Variants in CCN4 observed in about 807,000 individuals in gnomAD.
CCN4 encodes the protein cellular communication network factor 4.
Under a neutral mutation model 36.7 loss-of-function variants are expected in CCN4, and 30 were observed. The observed-to-expected ratio is 0.82, with a 90% CI of 0.61 to 1.11. The LOEUF (loss-of-function observed/expected upper bound fraction) is 1.11, where lower values mean the gene tolerates loss of function less well. Among genes scored for constraint, CCN4 ranks in the 50% least tolerant of loss-of-function variants. CCN4 has a pLI of 0.00. For missense variants in CCN4, 505 were observed against 504.9 expected (o/e 1.00, Z 0.00); for synonymous variants, 191 against 195.4 (o/e 0.98, Z 0.19).
chr8:133,218,538 C>G (rs543008783), intron 2 of CCN4, among the ~76,000 whole-genome samples: 9 of 152,308 alleles, frequency 5.9e-5, no homozygotes, highest in African/African-American at 2.2e-4. Context: ...ACAGAGGAGA[C>G]CCAGTATCCA....
intron 3 of CCN4, among the ~76,000 whole-genome samples, chr8:133,224,782 A>G (rs999534703): frequency 5.9e-5 from 9 of 151,976 alleles, no homozygotes; most frequent in Non-Finnish European, 1.0e-4. Flanking sequence ...TAAAAATACA[A>G]AATTAGCCGG....
At chr8:133,205,580 C>T (rs1215861025) in intron 1 of CCN4, among the ~76,000 whole-genome samples, 1 of 152,252 alleles carries the variant, frequency 6.6e-6, no homozygotes, top group East Asian at 1.9e-4. Flanking sequence ...AAGAAGATAG[C>T]CGTCAGGGCT....
intron 1 of CCN4, among the ~76,000 whole-genome samples, chr8:133,200,596 G>T (rs945617581): frequency 6.6e-6 from 1 of 152,208 alleles, no homozygotes; most frequent in Admixed American, 6.5e-5. Flanking sequence ...GTGCCTTAGA[G>T]GTAGCTGGAG....
At chr8:133,191,473 C>G (rs748340041) in intron 1 of CCN4, among the ~76,000 whole-genome samples, 4 of 152,170 alleles carry the variant, frequency 2.6e-5, no homozygotes, top group Non-Finnish European at 5.9e-5. Context: ...CCACCTGAAA[C>G]AGTGCAGAAA....
In CCN4 at chr8:133,191,140, C is replaced by G; in HGVS notation, c.-5C>G. ...GGTCGATGCCTGTGCCACTGACGTC[C>G]AGGCATGAGGTGGTTCCTGCCCTGG... On this transcript the variant is annotated 5_prime_UTR_variant, in exon 1 of 5. Transcript: ENST00000250160. 6.2e-7 allele frequency: 1 copy of G among 1,606,404 alleles called. No individual in the cohort carries two copies. Among genetic ancestry groups the G allele is most frequent in the African/African-American group, 1.3e-5 (1 of 75,008 alleles).
intron 2 of CCN4, among the ~76,000 whole-genome samples, chr8:133,214,779 T>A (rs1263323713): frequency 6.6e-6 from 1 of 152,122 alleles, no homozygotes; most frequent in Non-Finnish European, 1.5e-5. Context: ...ACTCCCTTCT[T>A]CCCTTAGTGC....
chr8:133,191,867 G>T (rs946429475), intron 1 of CCN4, among the ~76,000 whole-genome samples: 1 of 152,160 alleles, frequency 6.6e-6, no homozygotes, highest in Non-Finnish European at 1.5e-5. Flanking sequence ...GTTCCAGGGT[G>T]GGGGTGATGT....
At position 133,229,476 on chromosome 8, in the gene CCN4, T is replaced by C. The variant is rs1854874783; in HGVS notation, c.*1766T>C. 1 of 152,228 alleles carries C rather than the reference T, an allele frequency of 6.6e-6. No homozygotes were observed. The highest frequency in any genetic ancestry group is 2.4e-5 in the African/African-American group (1 of 41,460). The allele number at this position is 152,228 out of a possible 1,614,324, so 9.4% of individuals were successfully genotyped here. ...CCTGTAGCTTATTCCCTCTTTCCCA[T>C]CGGAACCAGCTCTCATCACACATTT... On this transcript the variant is annotated 3_prime_UTR_variant, in exon 5 of 5. Transcript: ENST00000250160.
In CCN4 at chr8:133,213,219, A is replaced by AC. The variant is rs1291873753; in HGVS notation, c.349+81dup. 6.0e-6 allele frequency: 9 copies of AC among 1,512,228 alleles called. No individual in the cohort carries two copies. The Admixed American group carries it at 1.3e-4, about 21-fold the overall frequency. The allele number at this position is 1,512,228 out of a possible 1,614,324, so 93.7% of individuals were successfully genotyped here. On this transcript the variant is annotated intron_variant, in intron 2 of 4. Coordinates refer to ENST00000250160, the MANE Select transcript of CCN4 (RefSeq NM_003882.4). ...TGGCCCCAAACCCCTCTCCCTTGGCACCCCCACAGCCTTTCACCTGGCCAG... is the reference window on the plus strand; with the variant it reads ...TGGCCCCAAACCCCTCTCCCTTGGCACCCCCCACAGCCTTTCACCTGGCCAG...
At chr8:133,210,843 G>A (rs944163371) in intron 1 of CCN4, among the ~76,000 whole-genome samples, 3 of 152,348 alleles carry the variant, frequency 2.0e-5, no homozygotes, top group Non-Finnish European at 4.4e-5. Flanking sequence ...AGGTCAGCGA[G>A]TCAGGAGAGT....
At chr8:133,224,599 A>G (rs981975023) in intron 3 of CCN4, among the ~76,000 whole-genome samples, 14 of 152,084 alleles carry the variant, frequency 9.2e-5, no homozygotes, top group African/African-American at 3.1e-4. Flanking sequence ...ACTTCCCCCA[A>G]ATAAACTTTC....
At chr8:133,199,042 C>A (rs1343137142) in intron 1 of CCN4, among the ~76,000 whole-genome samples, 1 of 152,212 alleles carries the variant, frequency 6.6e-6, no homozygotes, top group Non-Finnish European at 1.5e-5. Flanking sequence ...ATGGGGGAGG[C>A]TGGGAGGGAA....
At chr8:133,217,529 AAGGGACCATCTGC>A (rs1854362549) in intron 2 of CCN4, among the ~76,000 whole-genome samples, 1 of 152,176 alleles carries the variant, frequency 6.6e-6, no homozygotes, top group Non-Finnish European at 1.5e-5. Context: ...GAGTCAGCTG[AAGGGACCATCTGC>A]AGCCGTCATG....
chr8:133,225,445 C>G lies in CCN4; in HGVS notation c.666C>G (p.Pro222=), dbSNP rs1854693085. The G allele has an allele frequency of 1.2e-6, 2 of 1,613,936 alleles. No homozygotes were observed. Among genetic ancestry groups the G allele is most frequent in the Non-Finnish European group, 1.7e-6 (2 of 1,179,966 alleles). Residue 222 remains proline (P), a synonymous_variant, in exon 4 of 5, where the codon CCC becomes CCG. Coordinates refer to ENST00000250160, the MANE Select transcript of CCN4 (RefSeq NM_003882.4). ...GGAACTGCATAGCCTACACAAGCCCCTGGAGCCCTTGCTCCACCAGCTGCG... is the reference window on the plus strand; with the variant it reads ...GGAACTGCATAGCCTACACAAGCCCGTGGAGCCCTTGCTCCACCAGCTGCG... The part of the protein sequence containing the change: ...WHRNCIAYTS[P]WSPCSTSCGL...
At chr8:133,221,703 G>A (rs748688715) in intron 3 of CCN4, among the ~76,000 whole-genome samples, 3 of 150,298 alleles carry the variant, frequency 2.0e-5, no homozygotes, top group Non-Finnish European at 2.9e-5. Context: ...GTGGATAGAT[G>A]AATAGACAGA....
At chr8:133,227,148 A>T (rs1854766181) in intron 4 of CCN4, among the ~76,000 whole-genome samples, 1 of 152,188 alleles carries the variant, frequency 6.6e-6, no homozygotes, top group Non-Finnish European at 1.5e-5. Flanking sequence ...CAAGACAAAA[A>T]TGCAGGACAA....
chr8:133,198,978 A>T (rs1425759664), intron 1 of CCN4, among the ~76,000 whole-genome samples: 1 of 152,256 alleles, frequency 6.6e-6, no homozygotes, highest in Non-Finnish European at 1.5e-5. Context: ...TGATAGGATG[A>T]ATTAAAGCAA....
At chr8:133,195,363 CTCAT>C (rs1853342002) in intron 1 of CCN4, among the ~76,000 whole-genome samples, 1 of 151,844 alleles carries the variant, frequency 6.6e-6, no homozygotes, top group South Asian at 2.1e-4. Context: ...GAGATACAAA[CTCAT>C]TCTCTGCTTC....
intron 1 of CCN4, among the ~76,000 whole-genome samples, chr8:133,196,650 A>G (rs1853396528): frequency 6.6e-6 from 1 of 152,216 alleles, no homozygotes; most frequent in Admixed American, 6.5e-5. Flanking sequence ...GCCCTCAGGT[A>G]AGTAGCCCAG....
Sources: allele counts gnomAD v4.1 joint callset (sites outside exome capture counted in the v4.1 genomes callset), GRCh38; gene constraint gnomAD v4.1.1; transcripts MANE v1.5; gene names NCBI Gene and HGNC (gene_info 2026-07-23, HGNC 2026-07-21).